MUC3A: variants seen among roughly 807,000 people sequenced by gnomAD.
MUC3A encodes the protein mucin 3A, cell surface associated.
In MUC3A, 109 loss-of-function variants were observed where a neutral mutation model predicts 109.0. The observed-to-expected ratio is 1.00, with a 90% CI of 0.86 to 1.17. The LOEUF (loss-of-function observed/expected upper bound fraction) is 1.17, where lower values mean the gene tolerates loss of function less well. Ranked by LOEUF, MUC3A falls within the 50% of genes most tolerant of loss-of-function variation. The probability of loss-of-function intolerance (pLI) is 0.00; values close to 1 mark genes in which losing one functional copy is unlikely to be tolerated. For missense variants in MUC3A, 3,537 were observed against 2,469.4 expected, an observed-to-expected ratio of 1.43 and a Z score of -9.16; for synonymous variants, 1,398 against 981.4, an observed-to-expected ratio of 1.42 and a Z score of -7.93.
At position 100,954,033 on chromosome 7, in the gene MUC3A, G is replaced by C. The variant is rs1380684589; in HGVS notation, c.2254G>C (p.Ala752Pro). ...ACCCACCTCTCCCTTGGTCTCAACT[G>C]CAAAAACAGCCAAAACTCCTACCAC... ...LPPTSPLVST[A>P]KTAKTPTTNL... The change falls in exon 2 of 12, where the codon GCA becomes CCA. Residue 752 changes from alanine to proline, a missense_variant. Physicochemically the swap from Ala to Pro is conservative, Grantham distance 27. Coordinates refer to ENST00000379458, the MANE Select transcript of MUC3A (RefSeq NM_005960.2). 5.9e-6 allele frequency: 2 copies of C among 336,976 alleles called. No individual in the cohort carries two copies. The highest frequency in any genetic ancestry group is 9.7e-6 in the Non-Finnish European group (2 of 205,576). 20.9% of individuals were successfully genotyped at this position (336,976 alleles called of 1,614,324 possible).
At chr7:100,950,618 G>A (rs4364565) in intron 1 of MUC3A, among the ~76,000 whole-genome samples, 8,855 of 151,560 alleles carry the variant, frequency 0.058, no homozygotes, top group Middle Eastern at 0.082. Flanking sequence ...GGGGTAGCAG[G>A]TCGGGTACCT....
At chr7:100,961,060 G>T (rs1792311044) in intron 3 of MUC3A, 123 bp downstream of exon 3, 1 of 1,548,890 alleles carries the variant, frequency 6.5e-7, no homozygotes, top group African/African-American at 1.4e-5. Context: ...TTCCCTCCCT[G>T]CCATCTCTCC....
Position 100,956,996 on chromosome 7 carries a change from C to G in MUC3A, c.5217C>G (p.Thr1739=), listed in dbSNP as rs1304380631. ...GTTCAACAGCCACATCCCCTAAGAC[C>G]ACCACACTGACTCCTACCTCTGACA... The part of the protein sequence containing the change: ...FTSSTATSPK[T]TTLTPTSDIS... The change falls in exon 2 of 12, where the codon ACC becomes ACG. Residue 1739 remains threonine, a synonymous_variant. Transcript: ENST00000379458. The G allele has an allele frequency of 4.5e-6, 2 of 439,696 alleles. No individual in the cohort carries two copies. Among genetic ancestry groups the G allele is most frequent in the African/African-American group, 2.0e-5 (1 of 49,282 alleles). 27.2% of individuals were successfully genotyped at this position (439,696 alleles called of 1,614,324 possible).
intron 8 of MUC3A, 69 bp from the exon 9 acceptor site, chr7:100,966,317 G>C: frequency 7.9e-7 from 1 of 1,262,874 alleles, no homozygotes; most frequent in Non-Finnish European, 9.9e-7. Context: ...CCGCCCCCGC[G>C]GGGCCCAGGT....
At position 100,960,316 on chromosome 7, in the gene MUC3A, C is replaced by T. The variant is rs1403584347; in HGVS notation, c.8537C>T (p.Ala2846Val). The change falls in exon 2 of 12, where the codon GCT becomes GTT. Residue 2846 changes from alanine to valine, a missense_variant. Physicochemically the swap from Ala to Val is moderately conservative, Grantham distance 64. Coordinates refer to ENST00000379458, the MANE Select transcript of MUC3A (RefSeq NM_005960.2). ...PESESSISPN[A>V]SSSTGTGTVP... ...AGTGAGTCCAGCATCTCACCCAATGCTTCCAGTTCCACTGGCACTGGGACT... is the reference window on the plus strand; with the variant it reads ...AGTGAGTCCAGCATCTCACCCAATGTTTCCAGTTCCACTGGCACTGGGACT... 1.3e-6 allele frequency: 2 copies of T among 1,598,542 alleles called. No homozygotes were observed. Among genetic ancestry groups the T allele is most frequent in the East Asian group, 2.2e-5 (1 of 44,890 alleles).
At chr7:100,961,039 T>C (rs1792310535) in intron 3 of MUC3A, 102 bp downstream of exon 3, 4 of 1,573,156 alleles carry the variant, frequency 2.5e-6, no homozygotes, top group African/African-American at 2.7e-5. Context: ...CCATGCCTTT[T>C]TGCCCGGTCC....
chr7:100,950,054 G>A (rs1791891406), intron 1 of MUC3A, among the ~76,000 whole-genome samples: 1 of 151,396 alleles, frequency 6.6e-6, no homozygotes. Flanking sequence ...GACTCCTTCT[G>A]TCACCTGCCT....
At position 100,959,186 on chromosome 7, in the gene MUC3A, G is replaced by C. The variant is rs763397611; in HGVS notation, c.7407G>C (p.Ala2469=). Residue 2469 remains alanine (A), a synonymous_variant, in exon 2 of 12, where the codon GCG becomes GCC. Transcript: ENST00000379458. ...CACATTTTACTACCTCAGAGACTGC[G>C]GTGACTCCCACACCTGTAACCCCAT... ...ITSHFTTSET[A]VTPTPVTPSS... 1 of 1,597,732 alleles carries C rather than the reference G, an allele frequency of 6.3e-7. No individual in the cohort carries two copies. The highest frequency in any genetic ancestry group is 1.7e-5 in the Admixed American group (1 of 59,922).
At position 100,965,349 on chromosome 7, in the gene MUC3A, T is replaced by C. The variant is rs754962354; in HGVS notation, c.9448+2T>C. ...GCAAGACAGAGCTGACCCCGGCAGG[T>C]AAGGGTGGGGTAAAGGGCTGAGTGG... On this transcript the variant is annotated splice_donor_variant, in intron 7 of 11. Transcript: ENST00000379458. LOFTEE classifies it high-confidence loss of function. 6.3e-7 allele frequency: 1 copy of C among 1,597,938 alleles called. No homozygotes were observed. Among genetic ancestry groups the C allele is most frequent in the South Asian group, 1.1e-5 (1 of 90,648 alleles).
Position 100,959,200 on chromosome 7 carries a change from C to G in MUC3A, c.7421C>G (p.Pro2474Arg), listed in dbSNP as rs1167516550. Residue 2474 changes from proline (P) to arginine (R), a missense_variant, in exon 2 of 12, where the codon CCT becomes CGT. By Grantham distance (103) the Pro-to-Arg change is moderately radical (BLOSUM62 -2). Coordinates refer to ENST00000379458, the MANE Select transcript of MUC3A (RefSeq NM_005960.2). ...TTSETAVTPTPVTPSSLSTDI... is the reference protein window; with the variant it reads ...TTSETAVTPTRVTPSSLSTDI... The stretch of plus-strand genomic sequence containing the variant: ...TCAGAGACTGCGGTGACTCCCACAC[C>G]TGTAACCCCATCTTCTCTGAGTACA... 2.5e-6 allele frequency: 4 copies of G among 1,598,418 alleles called. No individual in the cohort carries two copies. The highest frequency in any genetic ancestry group is 3.4e-6 in the Non-Finnish European group (4 of 1,179,824).
At position 100,957,308 on chromosome 7, in the gene MUC3A, T is replaced by C; in HGVS notation, c.5529T>C (p.Thr1843=). Residue 1843 remains threonine, a synonymous_variant, in exon 2 of 12, where the codon ACT becomes ACC. Coordinates refer to ENST00000379458, the MANE Select transcript of MUC3A (RefSeq NM_005960.2). Reference sequence around the variant, plus strand: ...CTACATCTGAGACCACCTACCCTACTTCTCTTACTAGTGCTCTCACAGATT... The same window carrying C: ...CTACATCTGAGACCACCTACCCTACCTCTCTTACTAGTGCTCTCACAGATT... ...STPTSETTYP[T]SLTSALTDST... is the part of the protein sequence containing the mutation. 1 of 567,996 alleles carries C rather than the reference T, an allele frequency of 1.8e-6. No individual in the cohort carries two copies. The highest frequency in any genetic ancestry group is 2.6e-4 in the Middle Eastern group (1 of 3,780). The allele number at this position is 567,996 out of a possible 1,614,324, so 35.2% of individuals were successfully genotyped here. A position where few individuals can be genotyped will look rare whatever the true frequency, so the allele number is the denominator to read the frequency against.
rs1378688152 is a variant in MUC3A at position 100,957,779 on chromosome 7, C to A, written c.6000C>A (p.Thr2000=). 4.1e-6 allele frequency: 1 copy of A among 244,350 alleles called. No homozygotes were observed. The highest frequency in any genetic ancestry group is 2.1e-4 in the African/African-American group (1 of 4,870). The allele number at this position is 244,350 out of a possible 1,614,324, so 15.1% of individuals were successfully genotyped here. A position where few individuals can be genotyped will look rare whatever the true frequency, so the allele number is the denominator to read the frequency against. Residue 2000 remains threonine (T), a synonymous_variant, in exon 2 of 12, where the codon ACC becomes ACA. Coordinates refer to ENST00000379458, the MANE Select transcript of MUC3A (RefSeq NM_005960.2). ...PSYTSLITTT[T]TTSHSTPSFT... is the part of the protein sequence containing the mutation. ...ACACTTCTTTGATCACCACAACCAC[C>A]ACCACCTCACACAGTACTCCCAGCT... is the stretch of plus-strand genomic sequence containing the variant.
Position 100,960,113 on chromosome 7 carries a change from C to T in MUC3A, c.8334C>T (p.Val2778=). Residue 2778 remains valine, a synonymous_variant, in exon 2 of 12, where the codon GTC becomes GTT. Transcript: ENST00000379458. ...CAGGAACTATAACAATTACCATAGT[C>T]CCTGCCTCCCCCACTGATCCATGTG... ...PCPGTITITI[V]PASPTDPCVE... 5.2e-6 allele frequency: 8 copies of T among 1,538,590 alleles called. No individual in the cohort carries two copies. Among genetic ancestry groups the T allele is most frequent in the Non-Finnish European group, 7.0e-6 (8 of 1,149,960 alleles).
chr7:100,960,391 C>T lies in MUC3A; in HGVS notation c.8612C>T (p.Thr2871Ile), dbSNP rs764392076. Residue 2871 changes from threonine to isoleucine, a missense_variant, in exon 2 of 12, where the codon ACC becomes ATC. Thr to Ile is a moderately conservative substitution (Grantham distance 89). Transcript: ENST00000379458. Reference sequence around the variant, plus strand: ...AGTACTCGACTGCCCACCAGTGAGACCTGGCTGAGCAACAGTTCTGTGATC... The same window carrying T: ...AGTACTCGACTGCCCACCAGTGAGATCTGGCTGAGCAACAGTTCTGTGATC... Reference protein sequence around the residue: ...FTSTRLPTSETWLSNSSVIPL... With the variant: ...FTSTRLPTSEIWLSNSSVIPL... The T allele has an allele frequency of 1.3e-6, 2 of 1,598,536 alleles. No individual in the cohort carries two copies. The highest frequency in any genetic ancestry group is 8.5e-7 in the Non-Finnish European group (1 of 1,179,822).
chr7:100,965,038 A>T (rs1584811756), intron 6 of MUC3A, 195 bp downstream of exon 6: 2 of 1,090,272 alleles, frequency 1.8e-6, no homozygotes, highest in East Asian at 5.2e-5. Context: ...GGTACTGGGA[A>T]AGAGACCCCC....
Position 100,952,761 on chromosome 7 carries a change from T to C in MUC3A, c.982T>C (p.Ser328Pro), listed in dbSNP as rs1379780724. 1.3e-6 allele frequency: 2 copies of C among 1,571,702 alleles called. No individual in the cohort carries two copies. The highest frequency in any genetic ancestry group is 8.6e-7 in the Non-Finnish European group (1 of 1,166,514). Residue 328 changes from serine to proline, a missense_variant, in exon 2 of 12, where the codon TCT becomes CCT. By Grantham distance (74) the Ser-to-Pro change is moderately conservative. Transcript: ENST00000379458. ...VTTLPTTISRSTPTSETTYTT... is the reference protein window; with the variant it reads ...VTTLPTTISRPTPTSETTYTT... ...CACACTCCCCACTACCATCAGCAGGTCTACACCTACATCTGAGACCACCTA... is the reference window on the plus strand; with the variant it reads ...CACACTCCCCACTACCATCAGCAGGCCTACACCTACATCTGAGACCACCTA...
chr7:100,951,828 G>T lies in MUC3A; in HGVS notation c.62-13G>T, dbSNP rs1390000017. On this transcript the variant is annotated splice_polypyrimidine_tract_variant and intron_variant, in intron 1 of 11. Transcript: ENST00000379458. ...ATTTACCAGTGGATTCCTCTGCTCT[G>T]CCGCCAATGCAGGAACTTTATCCAC... is the stretch of plus-strand genomic sequence containing the variant. 6.3e-7 allele frequency: 1 copy of T among 1,594,038 alleles called. No homozygotes were observed. The highest frequency in any genetic ancestry group is 1.3e-5 in the African/African-American group (1 of 74,882).
chr7:100,960,415 T>C lies in MUC3A; in HGVS notation c.8636T>C (p.Ile2879Thr). ...SETWLSNSSV[I>T]PLPLPGVSTI... ...ACCTGGCTGAGCAACAGTTCTGTGA[T>C]CCCCCTACCTCTTCCTGGCGTCTCT... is the stretch of plus-strand genomic sequence containing the variant. The change falls in exon 2 of 12, where the codon ATC (isoleucine) becomes ACC (threonine). Residue 2879 changes from isoleucine to threonine, a missense_variant. By Grantham distance (89) the Ile-to-Thr change is moderately conservative (BLOSUM62 -1). Coordinates refer to ENST00000379458, the MANE Select transcript of MUC3A (RefSeq NM_005960.2). 1 of 1,598,536 alleles carries C rather than the reference T, an allele frequency of 6.3e-7. No individual in the cohort carries two copies. Among genetic ancestry groups the C allele is most frequent in the Non-Finnish European group, 8.5e-7 (1 of 1,179,816 alleles).
rs112516377 is a variant in MUC3A at position 100,960,031 on chromosome 7, C to T, written c.8252C>T (p.Ala2751Val). The stretch of plus-strand genomic sequence containing the variant: ...TCAACCAGCTCCTCTCTGACCACAG[C>T]TCTCACTGAAATAACCCCCTTTTCT... ...TSSTSSSLTT[A>V]LTEITPFSYI... is the part of the protein sequence containing the mutation. Residue 2751 changes from alanine (A) to valine (V), a missense_variant, in exon 2 of 12, where the codon GCT (alanine) becomes GTT (valine). By Grantham distance (64) the Ala-to-Val change is moderately conservative. Transcript: ENST00000379458. 47 of 1,509,480 alleles carry T rather than the reference C, an allele frequency of 3.1e-5. No individual in the cohort carries two copies. In the South Asian group the frequency reaches 6.3e-4, roughly 20 times the overall value. The allele number at this position is 1,509,480 out of a possible 1,614,324, so 93.5% of individuals were successfully genotyped here.
Sources: gnomAD v4.1 joint callset for allele counts (sites outside exome capture counted in the v4.1 genomes callset) on GRCh38, gnomAD v4.1.1 for gene constraint, MANE v1.5 for transcripts, NCBI Gene and HGNC (gene_info 2026-07-23, HGNC 2026-07-21) for gene names.